TNFSF4: variants seen among roughly 807,000 people sequenced by gnomAD.
The protein encoded by TNFSF4 is TNF superfamily member 4.
Under a neutral mutation model 7.3 loss-of-function variants are expected in TNFSF4, and 4 were observed. The observed-to-expected ratio is 0.55, with a 90% CI of 0.27 to 1.25. The LOEUF (loss-of-function observed/expected upper bound fraction) is 1.25, where lower values mean the gene tolerates loss of function less well. Among genes scored for constraint, TNFSF4 ranks in the 50% most tolerant of loss-of-function variants. TNFSF4 has a pLI of 0.12. For missense variants in TNFSF4, 181 were observed against 208.8 expected, an observed-to-expected ratio of 0.87 and a Z score of 0.82; for synonymous variants, 76 against 83.7, an observed-to-expected ratio of 0.91 and a Z score of 0.50.
chr1:173,240,747 A>C, the TNFSF4 span, among the ~76,000 whole-genome samples: 1 of 152,202 alleles, frequency 6.6e-6, no homozygotes, highest in Non-Finnish European at 1.5e-5. Context: ...TTCAAAAATT[A>C]TGTCAGGGTG....
At chr1:173,362,224 A>C in the TNFSF4 span, among the ~76,000 whole-genome samples, 1 of 152,200 alleles carries the variant, frequency 6.6e-6, no homozygotes, top group Non-Finnish European at 1.5e-5. Context: ...CTGTTAAGGA[A>C]AGTTTAAGTG....
the TNFSF4 span, among the ~76,000 whole-genome samples, chr1:173,318,117 T>C: frequency 6.6e-6 from 1 of 152,174 alleles, no homozygotes; most frequent in Non-Finnish European, 1.5e-5. Context: ...AGTCTTCATA[T>C]TAGGCAAATA....
chr1:173,201,776 C>T (rs527436822), intron 1 of TNFSF4, among the ~76,000 whole-genome samples: 12 of 152,172 alleles, frequency 7.9e-5, no homozygotes, highest in Admixed American at 2.6e-4. Flanking sequence ...TTATCAAAAG[C>T]ATGGGTGATT....
the TNFSF4 span, chr1:173,362,989 G>C: frequency 2.8e-6 from 1 of 354,052 alleles, no homozygotes; most frequent in Non-Finnish European, 5.6e-6. Flanking sequence ...AATTCTTCTT[G>C]CACTGGGAAA....
the TNFSF4 span, among the ~76,000 whole-genome samples, chr1:173,426,174 T>C: frequency 3.9e-5 from 6 of 152,184 alleles, no homozygotes; most frequent in Non-Finnish European, 2.9e-5. Flanking sequence ...CAGTCTTCCC[T>C]GTTTGATGAG....
the TNFSF4 span, among the ~76,000 whole-genome samples, chr1:173,395,062 G>A: frequency 2.6e-5 from 4 of 151,486 alleles, no homozygotes; most frequent in East Asian, 7.8e-4. Context: ...TAGATAGATA[G>A]ATAGATAGAT....
chr1:173,396,731 T>C, the TNFSF4 span, among the ~76,000 whole-genome samples: 2 of 152,310 alleles, frequency 1.3e-5, no homozygotes, highest in East Asian at 1.9e-4. Context: ...TGGTTTAACA[T>C]AGAGGAAGAG....
chr1:173,257,620 A>G, the TNFSF4 span, among the ~76,000 whole-genome samples: 41 of 152,376 alleles, frequency 2.7e-4, no homozygotes, highest in Middle Eastern at 6.8e-3. Context: ...AAGCAAAAAG[A>G]TACAAATTAG....
At chr1:173,313,331 A>C in the TNFSF4 span, among the ~76,000 whole-genome samples, 2 of 152,272 alleles carry the variant, frequency 1.3e-5, no homozygotes, top group South Asian at 4.1e-4. Context: ...TACAGAATTC[A>C]TTAGGAACAT....
the TNFSF4 span, among the ~76,000 whole-genome samples, chr1:173,270,213 C>A: frequency 6.6e-6 from 1 of 152,108 alleles, no homozygotes; most frequent in East Asian, 1.9e-4. Context: ...CAATTTGGAA[C>A]TTATAAGTTT....
the TNFSF4 span, among the ~76,000 whole-genome samples, chr1:173,228,153 A>G: frequency 5.9e-5 from 9 of 152,230 alleles, no homozygotes; most frequent in Admixed American, 5.9e-4. Context: ...CTGACCCATG[A>G]GTAGCCTAAC....
chr1:173,380,009 G>C, the TNFSF4 span, among the ~76,000 whole-genome samples: 2 of 152,316 alleles, frequency 1.3e-5, no homozygotes, highest in South Asian at 4.1e-4. Context: ...CTCACTGAGC[G>C]CCGGGTACGT....
At chr1:173,357,357 C>G in the TNFSF4 span, among the ~76,000 whole-genome samples, 1 of 152,144 alleles carries the variant, frequency 6.6e-6, no homozygotes, top group East Asian at 1.9e-4. Flanking sequence ...TAATCTCTGC[C>G]ATGGGTGCGG....
chr1:173,359,462 A>AG, the TNFSF4 span, among the ~76,000 whole-genome samples: 1 of 138,332 alleles, frequency 7.2e-6, no homozygotes, highest in Admixed American at 7.2e-5. Context: ...TAAAAAAAAA[A>AG]AAAGAAAAGA....
chr1:173,268,417 G>A, the TNFSF4 span, among the ~76,000 whole-genome samples: 1 of 151,840 alleles, frequency 6.6e-6, no homozygotes, highest in Non-Finnish European at 1.5e-5. Context: ...ATGGAAATAG[G>A]GTTTCTAAAC....
chr1:173,209,756 G>A (rs1650313363), upstream of TNFSF4, among the ~76,000 whole-genome samples: 1 of 152,112 alleles, frequency 6.6e-6, no homozygotes, highest in South Asian at 2.1e-4. Context: ...TCCTGCCTTG[G>A]CCTCCCAAAG....
chr1:173,197,671 C>A (rs952249499), intron 1 of TNFSF4, among the ~76,000 whole-genome samples: 1 of 152,058 alleles, frequency 6.6e-6, no homozygotes, highest in South Asian at 2.1e-4. Context: ...ACAACACTGG[C>A]GCCTGTTGCA....
chr1:173,299,516 A>C, the TNFSF4 span, among the ~76,000 whole-genome samples: 1 of 151,844 alleles, frequency 6.6e-6, no homozygotes. Flanking sequence ...CTCCCACGGG[A>C]AATATTCAAA....
the TNFSF4 span, among the ~76,000 whole-genome samples, chr1:173,176,411 CG>C: frequency 6.6e-6 from 1 of 152,088 alleles, no homozygotes; most frequent in African/African-American, 2.4e-5. Context: ...AAATCAAAAC[CG>C]CAGTGAGAGA....
Sources: gnomAD v4.1 joint callset for allele counts (sites outside exome capture counted in the v4.1 genomes callset) on GRCh38, gnomAD v4.1.1 for gene constraint, MANE v1.5 for transcripts, NCBI Gene and HGNC (gene_info 2026-07-23, HGNC 2026-07-21) for gene names.